The following CELF2 variants were observed in gnomAD, a reference collection of about 807,000 sequenced individuals.
CELF2 encodes CUG triplet repeat RNA-binding protein 2.
Under a neutral mutation model 62.6 loss-of-function variants are expected in CELF2, and 8 were observed. The ratio of observed to expected loss-of-function variants is 0.13; its 90% CI spans 0.07 to 0.23. The LOEUF (loss-of-function observed/expected upper bound fraction) is 0.23, where lower values mean the gene tolerates loss of function less well. CELF2 is among the 10% of genes least tolerant of loss of function. The pLI, the probability that CELF2 is intolerant of heterozygous loss-of-function variation, is 1.00. For synonymous variants in CELF2, 258 were observed against 250.0 expected (o/e 1.03, Z -0.30); for missense variants, 333 against 671.0 (o/e 0.50, Z 5.56).
upstream of CELF2, chr10:10,796,888 A>T (rs117432838): frequency 0.05 from 48,872 of 984,392 alleles, 1,364 homozygotes; most frequent in Non-Finnish European, 0.055. Flanking sequence ...CAGAAAGGCA[A>T]TGATTTTTGT....
upstream of CELF2, among the ~76,000 whole-genome samples, chr10:10,795,444 C>T (rs2131397937): frequency 6.6e-6 from 1 of 152,188 alleles, no homozygotes. Context: ...TAAGGCTGAA[C>T]CTAACTCATT....
At chr10:10,694,932 A>G in the CELF2 span, among the ~76,000 whole-genome samples, 222 of 150,948 alleles carry the variant, frequency 1.5e-3, 4 homozygotes, top group Middle Eastern at 3.4e-3. Context: ...GGTTTCCTGA[A>G]TACAGCACAC....
chr10:11,046,497 A>T lies in CELF2; in HGVS notation c.74+28334A>T, dbSNP rs889976327. 2.0e-5 allele frequency among the ~76,000 whole-genome samples: 3 copies of T among 152,230 alleles called. No homozygotes were observed. Among genetic ancestry groups the T allele is most frequent in the Admixed American group, 2.0e-4 (3 of 15,282 alleles). The stretch of plus-strand genomic sequence containing the variant: ...GTATATTAAGGTTCTCATTAGGCGC[A>T]CTGCCTGATTCTCATTAAGACTGTC... On this transcript the variant is annotated intron_variant, in intron 1 of 12. Transcript: ENST00000633077. This position sits in a 1 kb window ranked among gnomAD's most constrained non-coding sequence, Gnocchi z 4.6.
At chr10:10,591,956 T>G in the CELF2 span, among the ~76,000 whole-genome samples, 1 of 152,224 alleles carries the variant, frequency 6.6e-6, no homozygotes, top group African/African-American at 2.4e-5. Flanking sequence ...ATTGGATATG[T>G]ATTTGTTTCA....
chr10:10,778,189 A>G, the CELF2 span, among the ~76,000 whole-genome samples: 1 of 152,162 alleles, frequency 6.6e-6, no homozygotes, highest in African/African-American at 2.4e-5. Context: ...GGTCGTAGTG[A>G]AGGTGGGGAA....
In CELF2 at chr10:11,299,461, AC is replaced by A. The variant is rs532951549; in HGVS notation, c.976+10917del. On this transcript the variant is annotated intron_variant, in intron 9 of 12. Coordinates refer to ENST00000633077, the MANE Select transcript of CELF2 (RefSeq NM_001326342.2). ...CTCCATCTGGACAAGCTGCCCCCCAACCCCCCCCAGGAAGGCCAGACTTCAG... is the reference window on the plus strand; with the variant it reads ...CTCCATCTGGACAAGCTGCCCCCCAACCCCCCCAGGAAGGCCAGACTTCAG... Among the ~76,000 whole-genome samples, 12 of 147,374 alleles carry A rather than the reference AC, an allele frequency of 8.1e-5. No individual in the cohort carries two copies. The East Asian group carries it at 2.0e-3, about 24-fold the overall frequency.
intron 1 of CELF2, among the ~76,000 whole-genome samples, chr10:11,097,696 T>C (rs571025973): frequency 1.3e-5 from 2 of 152,336 alleles, no homozygotes; most frequent in Admixed American, 1.3e-4. Flanking sequence ...GCATATTCTG[T>C]TCTTGCCTTT....
rs1202358484 is a variant in CELF2, at chr10:11,215,890, C to T, written c.272-1535C>T. 3.3e-5 allele frequency among the ~76,000 whole-genome samples: 5 copies of T among 152,148 alleles called. No individual in the cohort carries two copies. The East Asian group carries it at 9.6e-4, about 29-fold the overall frequency. On this transcript the variant is annotated intron_variant, in intron 2 of 12. Transcript: ENST00000633077. Reference sequence around the variant, plus strand: ...CCTATGGCTTTTCTGGGGCTTACATCACGCCACTGAAGCTGAACTCACCAG... The same window carrying T: ...CCTATGGCTTTTCTGGGGCTTACATTACGCCACTGAAGCTGAACTCACCAG...
At chr10:10,886,795 C>A (rs959189266) in intron 1 of CELF2, among the ~76,000 whole-genome samples, 2 of 152,200 alleles carry the variant, frequency 1.3e-5, no homozygotes, top group Non-Finnish European at 2.9e-5. Context: ...GTGATCACAC[C>A]ACTGCACTCC....
the CELF2 span, among the ~76,000 whole-genome samples, chr10:10,710,171 C>A: frequency 2.0e-5 from 3 of 152,186 alleles, no homozygotes; most frequent in Non-Finnish European, 4.4e-5. Flanking sequence ...GCTTTAAATA[C>A]CAAACAAAAC....
At chr10:10,929,032 T>C (rs1241828038) in intron 2 of CELF2, among the ~76,000 whole-genome samples, 1 of 152,184 alleles carries the variant, frequency 6.6e-6, no homozygotes, top group Non-Finnish European at 1.5e-5. Context: ...GAGGAAGCCT[T>C]CTCCTAAAGA....
chr10:10,480,161 C>T, the CELF2 span, among the ~76,000 whole-genome samples: 9 of 152,190 alleles, frequency 5.9e-5, no homozygotes, highest in Non-Finnish European at 1.2e-4. Context: ...GAATCTTTAA[C>T]TTAGTTAAGT....
chr10:10,724,539 C>T, the CELF2 span, among the ~76,000 whole-genome samples: 94 of 151,782 alleles, frequency 6.2e-4, no homozygotes, highest in Middle Eastern at 3.4e-3. Flanking sequence ...GCCTGTAATC[C>T]CAGCTACTCA....
At chr10:10,550,021 G>A in the CELF2 span, among the ~76,000 whole-genome samples, 1 of 152,058 alleles carries the variant, frequency 6.6e-6, no homozygotes, top group African/African-American at 2.4e-5. Context: ...CGGGAGTTAA[G>A]GTCACTGACT....
intron 9 of CELF2, among the ~76,000 whole-genome samples, chr10:11,310,264 C>A (rs1249600578): frequency 6.6e-6 from 1 of 152,144 alleles, no homozygotes; most frequent in Non-Finnish European, 1.5e-5. Flanking sequence ...GAAACCATAA[C>A]CCTGTGTATT....
the CELF2 span, among the ~76,000 whole-genome samples, chr10:10,696,900 T>G: frequency 3.3e-5 from 5 of 152,318 alleles, no homozygotes; most frequent in African/African-American, 1.2e-4. Context: ...CCTAGTGAGA[T>G]GAACCCGGTA....
chr10:10,719,107 A>G, the CELF2 span, among the ~76,000 whole-genome samples: 1 of 150,668 alleles, frequency 6.6e-6, no homozygotes, highest in Non-Finnish European at 1.5e-5. Flanking sequence ...GACTACAGGC[A>G]TGTACCAAGC....
At chr10:10,674,387 T>C in the CELF2 span, among the ~76,000 whole-genome samples, 1 of 152,216 alleles carries the variant, frequency 6.6e-6, no homozygotes, top group Non-Finnish European at 1.5e-5. Flanking sequence ...TTTATCCGCT[T>C]ACTTTTAATC....
chr10:10,558,599 C>G, the CELF2 span, among the ~76,000 whole-genome samples: 110 of 152,034 alleles, frequency 7.2e-4, no homozygotes, highest in African/African-American at 2.5e-3. Flanking sequence ...GGAATAGTTT[C>G]AGAAGGAATG....
Sources: allele counts gnomAD v4.1 joint callset (sites outside exome capture counted in the v4.1 genomes callset), GRCh38; gene constraint gnomAD v4.1.1; non-coding constraint Gnocchi (gnomAD v3.1); transcripts MANE v1.5; gene names NCBI Gene and HGNC (gene_info 2026-07-23, HGNC 2026-07-21).